The following SECISBP2 variants were observed in gnomAD, a reference collection of about 807,000 sequenced individuals.
SECISBP2 encodes selenocysteine insertion sequence-binding protein 2.
In SECISBP2, 96 loss-of-function variants were observed where a neutral mutation model predicts 98.2. That is an observed-to-expected ratio of 0.98 (90% CI 0.83 to 1.16). The LOEUF (loss-of-function observed/expected upper bound fraction) is 1.16. Among genes scored for constraint, SECISBP2 ranks in the 50% most tolerant of loss-of-function variants. The probability of loss-of-function intolerance (pLI) is 0.00; values close to 1 mark genes in which losing one functional copy is unlikely to be tolerated. For synonymous variants in SECISBP2, 407 were observed against 370.2 expected, an observed-to-expected ratio of 1.10 and a Z score of -1.14; for missense variants, 1,046 against 1,022.9, an observed-to-expected ratio of 1.02 and a Z score of -0.31.
chr9:89,339,913 G>C lies in SECISBP2; in HGVS notation c.1262G>C (p.Arg421Thr), dbSNP rs1350244705. 7 of 1,613,692 alleles carry C rather than the reference G, an allele frequency of 4.3e-6. No homozygotes were observed. In the East Asian group the frequency reaches 1.6e-4, roughly 36 times the overall value. ...GCAGTTGCATCTGAAAGAAGAGACA[G>C]AATAGAGACACCGAAATTTCAATCT... ...NLAVASERRD[R>T]IETPKFQSKQ... Residue 421 changes from arginine (R) to threonine (T), a missense_variant, in exon 9 of 17, where the codon AGA (arginine) becomes ACA (threonine). Arg to Thr is a moderately conservative substitution (Grantham distance 71). Transcript: ENST00000375807.
chr9:89,347,465 CTTTTTTTT>C (rs1184563393), intron 11 of SECISBP2, among the ~76,000 whole-genome samples: 9 of 87,396 alleles, frequency 1.0e-4, no homozygotes, highest in Non-Finnish European at 1.8e-4. Context: ...CCGGTGAATT[CTTTTTTTT>C]TTTTTTTTTT....
At chr9:89,347,542 G>C (rs147118968) in intron 11 of SECISBP2, among the ~76,000 whole-genome samples, 106 of 144,778 alleles carry the variant, frequency 7.3e-4, no homozygotes, top group African/African-American at 2.7e-3. Flanking sequence ...GAGCGATCTC[G>C]GCTCACTGCA....
intron 14 of SECISBP2, 96 bp from the exon 15 acceptor site, chr9:89,357,315 T>C: frequency 7.7e-7 from 1 of 1,297,654 alleles, no homozygotes; most frequent in Non-Finnish European, 1.1e-6. Flanking sequence ...AAATCATAGA[T>C]GGGTGTGTTG....
chr9:89,329,099 T>C, intron 5 of SECISBP2: 1 of 572,784 alleles, frequency 1.7e-6, no homozygotes, highest in Admixed American at 3.2e-5. Flanking sequence ...TATTGTTTTA[T>C]TTGTGCGTTT....
chr9:89,363,688 A>G, downstream of SECISBP2: 2 of 1,596,238 alleles, frequency 1.3e-6, no homozygotes, highest in Non-Finnish European at 1.7e-6. Flanking sequence ...GCCATTGTAA[A>G]TAGTGAAAAA....
chr9:89,358,665 G>C (rs1832472495), intron 16 of SECISBP2, 56 bp from the exon 17 acceptor site: 4 of 1,173,248 alleles, frequency 3.4e-6, no homozygotes, highest in Non-Finnish European at 5.1e-6. Context: ...TTTTCTTACA[G>C]GAGTTTTCCT....
intron 9 of SECISBP2, among the ~76,000 whole-genome samples, chr9:89,340,204 TTGCTAAGTTGGAAAGGAGGGGGATCATAC>T (rs1194303484): frequency 1.3e-5 from 2 of 152,296 alleles, no homozygotes; most frequent in Admixed American, 1.3e-4. Context: ...GTAACTGCAG[TTGCTAAGTTGGAAAGGAGGGGGATCATAC>T]TGCCTTATGA....
In SECISBP2 at chr9:89,338,452, T is replaced by C; in HGVS notation, c.1090-6T>C. 1 of 1,613,096 alleles carries C rather than the reference T, an allele frequency of 6.2e-7. No homozygotes were observed. The highest frequency in any genetic ancestry group is 8.5e-7 in the Non-Finnish European group (1 of 1,179,846). On this transcript the variant is annotated splice_polypyrimidine_tract_variant and splice_region_variant and intron_variant, in intron 7 of 16. Transcript: ENST00000375807. ...CAGGATTTTTTGCTTTGATTTTCTG[T>C]TCTAGTCTAAAGCATCACAAGGTAG...
At chr9:89,347,093 T>A in intron 11 of SECISBP2, 45 bp downstream of exon 11, 1 of 1,583,074 alleles carries the variant, frequency 6.3e-7, no homozygotes, top group Non-Finnish European at 8.6e-7. Context: ...GAAAACTTAG[T>A]CTCACATTTC....
Position 89,339,957 on chromosome 9 carries a change from A to G in SECISBP2, c.1302+4A>G. On this transcript the variant is annotated splice_donor_region_variant and intron_variant, in intron 9 of 16. Coordinates refer to ENST00000375807, the MANE Select transcript of SECISBP2 (RefSeq NM_024077.5). ...TCAATCTAAGCAGCAGCCACAGGTA[A>G]TTTTTAGATTGAAACCACAAATTGC... The G allele has an allele frequency of 1.2e-6, 2 of 1,602,112 alleles. No individual in the cohort carries two copies. Among genetic ancestry groups the G allele is most frequent in the Non-Finnish European group, 1.7e-6 (2 of 1,169,402 alleles).
chr9:89,321,512 C>A (rs549904070), intron 2 of SECISBP2, among the ~76,000 whole-genome samples: 1 of 151,502 alleles, frequency 6.6e-6, no homozygotes, highest in African/African-American at 2.4e-5. Flanking sequence ...TACAGAAATA[C>A]AAAAATTAGC....
intron 3 of SECISBP2, 98 bp downstream of exon 3, chr9:89,325,774 T>C (rs994385873): frequency 7.6e-6 from 12 of 1,587,094 alleles, no homozygotes; most frequent in African/African-American, 2.7e-5. Context: ...TTAAGTATCA[T>C]GTATTTTTTT....
chr9:89,329,568 TCTC>T (rs772495024), intron 5 of SECISBP2: 1 of 152,520 alleles, frequency 6.6e-6, no homozygotes, highest in African/African-American at 2.4e-5. Flanking sequence ...TTCAAGCAGT[TCTC>T]CTGCCTCAGC....
At chr9:89,353,795 C>T (rs1348017740) in intron 14 of SECISBP2, among the ~76,000 whole-genome samples, 1 of 152,214 alleles carries the variant, frequency 6.6e-6, no homozygotes, top group Non-Finnish European at 1.5e-5. Flanking sequence ...CCTTCTCTGC[C>T]TCTGCCAGAG....
intron 14 of SECISBP2, 94 bp from the exon 15 acceptor site, chr9:89,357,317 G>C (rs779760183): frequency 2.7e-5 from 35 of 1,303,802 alleles, no homozygotes; most frequent in African/African-American, 4.4e-5. Context: ...ATCATAGATG[G>C]GTGTGTTGCT....
At chr9:89,348,040 A>G (rs369743071) in intron 11 of SECISBP2, 39 bp from the exon 12 acceptor site, 28 of 1,562,622 alleles carry the variant, frequency 1.8e-5, no homozygotes, top group Non-Finnish European at 2.4e-5. Context: ...TTTTAAGTAC[A>G]AGTATTTAGG....
intron 11 of SECISBP2, 75 bp from the exon 12 acceptor site, chr9:89,348,004 C>T (rs1021054255): frequency 1.4e-6 from 2 of 1,422,314 alleles, no homozygotes; most frequent in Non-Finnish European, 1.9e-6. Context: ...TGAACTTGGG[C>T]AGTTTAATTT....
chr9:89,358,634 C>A, intron 16 of SECISBP2, 87 bp from the exon 17 acceptor site: 1 of 857,812 alleles, frequency 1.2e-6, no homozygotes, highest in South Asian at 1.4e-5. Context: ...TGGCCACAGG[C>A]TCCCTCTCTC....
At chr9:89,355,310 G>A (rs1831901751) in intron 14 of SECISBP2, 2 of 985,316 alleles carry the variant, frequency 2.0e-6, no homozygotes, top group Admixed American at 6.1e-5. Flanking sequence ...ACAATGCTGT[G>A]TGCCTTGGTA....
Sources: gnomAD v4.1 joint callset for allele counts (sites outside exome capture counted in the v4.1 genomes callset) on GRCh38, gnomAD v4.1.1 for gene constraint, MANE v1.5 for transcripts, NCBI Gene and HGNC (gene_info 2026-07-23, HGNC 2026-07-21) for gene names.